Variants in ACSS3 observed in about 807,000 individuals in gnomAD.
The protein encoded by ACSS3 is acyl-CoA synthetase short-chain family member 3, mitochondrial.
Under a neutral mutation model 84.2 loss-of-function variants are expected in ACSS3, and 64 were observed. That is an observed-to-expected ratio of 0.76 (90% CI 0.62 to 0.94). The LOEUF (loss-of-function observed/expected upper bound fraction) is 0.94, where lower values mean the gene tolerates loss of function less well. Among genes scored for constraint, ACSS3 ranks in the 40% least tolerant of loss-of-function variants. ACSS3 has a pLI of 0.00. For missense variants in ACSS3, 815 were observed against 867.6 expected (o/e 0.94, Z 0.76); for synonymous variants, 317 against 310.1 (o/e 1.02, Z -0.23).
chr12:81,240,239 C>A (rs925761081), intron 13 of ACSS3, among the ~76,000 whole-genome samples: 7 of 151,984 alleles, frequency 4.6e-5, no homozygotes, highest in African/African-American at 1.7e-4. Flanking sequence ...GCCTGACATA[C>A]TTTGATGCCC....
At chr12:81,200,040 A>G (rs2032029654) in intron 9 of ACSS3, among the ~76,000 whole-genome samples, 1 of 152,130 alleles carries the variant, frequency 6.6e-6, no homozygotes, top group Non-Finnish European at 1.5e-5. Flanking sequence ...TGTTCATTTA[A>G]TTTATTTTGT....
In ACSS3 at chr12:81,259,724, C is replaced by T; in HGVS notation, c.*4802C>T. The T allele has an allele frequency of 7.0e-7, 1 of 1,434,266 alleles. No individual in the cohort carries two copies. 88.8% of individuals were successfully genotyped at this position (1,434,266 alleles called of 1,614,324 possible). ...TCCCAGACTGGGAAATCTCATTCTA[C>T]TCCTCTGTGGTGTACCTCCACGCAG... On this transcript the variant is annotated 3_prime_UTR_variant, in exon 16 of 16. Transcript: ENST00000548058.
chr12:81,157,002 A>G (rs1422809681), intron 7 of ACSS3, among the ~76,000 whole-genome samples: 1 of 152,204 alleles, frequency 6.6e-6, no homozygotes, highest in African/African-American at 2.4e-5. Flanking sequence ...TTATCATTTA[A>G]TGAAGCTTGT....
At chr12:81,157,591 G>A (rs1398309705) in intron 7 of ACSS3, among the ~76,000 whole-genome samples, 3 of 152,164 alleles carry the variant, frequency 2.0e-5, no homozygotes, top group African/African-American at 7.2e-5. Flanking sequence ...GGCAGATCAT[G>A]AGGTCAGGAG....
In ACSS3 at chr12:81,109,709, TATC is replaced by T. The variant is rs1214157177; in HGVS notation, c.456+8_456+10del. On this transcript the variant is annotated splice_donor_region_variant and intron_variant, in intron 2 of 15. Transcript: ENST00000548058. Reference sequence around the variant, plus strand: ...TATAAAGAAGTTCTGGAGCAGGTAATATCATAAACTTTATATATGTATATATGA... The same window carrying T: ...TATAAAGAAGTTCTGGAGCAGGTAATATAAACTTTATATATGTATATATGA... 6.3e-7 allele frequency: 1 copy of T among 1,582,746 alleles called. No homozygotes were observed. The highest frequency in any genetic ancestry group is 8.6e-7 in the Non-Finnish European group (1 of 1,167,604).
At position 81,139,234 on chromosome 12, in the gene ACSS3, A is replaced by G; in HGVS notation, c.749A>G (p.Asp250Gly). Residue 250 changes from aspartate (D) to glycine (G), a missense_variant, in exon 4 of 16, where the codon GAC (aspartate) becomes GGC (glycine). Asp to Gly is a moderately conservative substitution (Grantham distance 94). Coordinates refer to ENST00000548058, the MANE Select transcript of ACSS3 (RefSeq NM_024560.4). ...EALKIGQHKP[D>G]KILIYNRPNM... ...CTAAAAATAGGACAACACAAACCAG[A>G]CAAAATTCTCATTTATAATCGTCCA... 1.2e-6 allele frequency: 2 copies of G among 1,613,992 alleles called. No homozygotes were observed. Among genetic ancestry groups the G allele is most frequent in the African/African-American group, 1.3e-5 (1 of 75,054 alleles).
chr12:81,177,226 G>A (rs2030551606), intron 8 of ACSS3, among the ~76,000 whole-genome samples: 1 of 152,030 alleles, frequency 6.6e-6, no homozygotes, highest in African/African-American at 2.4e-5. Context: ...GGAAAAGCTG[G>A]ATGGATTCCC....
At chr12:81,106,903 T>C (rs1565978608) in intron 1 of ACSS3, among the ~76,000 whole-genome samples, 1 of 151,508 alleles carries the variant, frequency 6.6e-6, no homozygotes, top group Non-Finnish European at 1.5e-5. Flanking sequence ...AATCTGACTT[T>C]GGAGTTTCTA....
chr12:81,159,717 A>G (rs1887058068), intron 7 of ACSS3, among the ~76,000 whole-genome samples: 1 of 152,256 alleles, frequency 6.6e-6, no homozygotes, highest in Admixed American at 6.5e-5. Context: ...ATAAAACACA[A>G]GCAATCTTTT....
At chr12:81,184,981 T>G (rs1412472906) in intron 8 of ACSS3, among the ~76,000 whole-genome samples, 3 of 151,668 alleles carry the variant, frequency 2.0e-5, no homozygotes, top group African/African-American at 7.2e-5. Flanking sequence ...AAATTCTTAG[T>G]AAAGTATTAT....
In ACSS3 at chr12:81,253,292, C is replaced by A. The variant is rs758995199; in HGVS notation, c.1720-15C>A. The A allele has an allele frequency of 1.6e-5, 25 of 1,608,496 alleles. No individual in the cohort carries two copies. Among genetic ancestry groups the A allele is most frequent in the Non-Finnish European group, 2.1e-5 (25 of 1,175,216 alleles). ...AAATAAATGTATTCTAAATGAATGC[C>A]TTTCCTTATTACAGTCAATCCTTTC... On this transcript the variant is annotated splice_polypyrimidine_tract_variant and intron_variant, in intron 13 of 15. Transcript: ENST00000548058.
chr12:81,200,208 A>G (rs761626558), intron 9 of ACSS3, among the ~76,000 whole-genome samples: 1 of 152,172 alleles, frequency 6.6e-6, no homozygotes, highest in Non-Finnish European at 1.5e-5. Context: ...GAATGGGTAC[A>G]TTGTCTAGAA....
chr12:81,128,500 C>T (rs1408389796), intron 2 of ACSS3, among the ~76,000 whole-genome samples: 4 of 152,088 alleles, frequency 2.6e-5, no homozygotes, highest in Admixed American at 1.3e-4. Flanking sequence ...CCCCTGGGAT[C>T]TGTATTGCCC....
intron 7 of ACSS3, among the ~76,000 whole-genome samples, chr12:81,163,895 A>G (rs1032905981): frequency 2.6e-4 from 40 of 152,240 alleles, no homozygotes; most frequent in African/African-American, 9.2e-4. Context: ...ACAAGTCAAA[A>G]ATTTAAAAAA....
intron 8 of ACSS3, among the ~76,000 whole-genome samples, chr12:81,182,653 TTGAG>T (rs1463477332): frequency 6.6e-6 from 1 of 152,158 alleles, no homozygotes; most frequent in African/African-American, 2.4e-5. Context: ...GCAACAGAAG[TTGAG>T]TTTTTATCAG....
chr12:81,083,658 C>A (rs1881134215), intron 1 of ACSS3, among the ~76,000 whole-genome samples: 1 of 151,822 alleles, frequency 6.6e-6, no homozygotes, highest in South Asian at 2.1e-4. Flanking sequence ...CCGTGCCTGG[C>A]CCTTGGTCTC....
At chr12:81,251,145 G>T (rs1210480028) in intron 13 of ACSS3, among the ~76,000 whole-genome samples, 1 of 152,152 alleles carries the variant, frequency 6.6e-6, no homozygotes, top group African/African-American at 2.4e-5. Flanking sequence ...GCTACATACT[G>T]AGTGATTCCA....
In ACSS3 at chr12:81,078,243, C is replaced by A. The variant is rs942887960; in HGVS notation, c.123C>A (p.Gly41=). Residue 41 remains glycine (G), a synonymous_variant, in exon 1 of 16, where the codon GGC becomes GGA. Transcript: ENST00000548058. ...CCCTCAGGGCTTTAGTGGTCCCGGG[C>A]CCGCGGGGCGGTCTCGGGGGCCGGG... is the stretch of plus-strand genomic sequence containing the variant. The part of the protein sequence containing the change: ...GAALRALVVP[G]PRGGLGGRGC... 3.1e-6 allele frequency: 5 copies of A among 1,605,632 alleles called. No homozygotes were observed. The African/African-American group carries it at 5.4e-5, about 17-fold the overall frequency.
chr12:81,220,060 G>A lies in ACSS3; in HGVS notation c.1498G>A (p.Gly500Arg), dbSNP rs777670392. Residue 500 changes from glycine to arginine, a missense_variant, in exon 11 of 16, where the codon GGA becomes AGA. Coordinates refer to ENST00000548058, the MANE Select transcript of ACSS3 (RefSeq NM_024560.4). Reference protein sequence around the residue: ...NMQKLKARCLGNIVVKLPLPP... With the variant: ...NMQKLKARCLRNIVVKLPLPP... ...GCAAAAACTGAAGGCTCGGTGTTTA[G>A]GAAATATTGTGGTAAAGTAAGCAAA... The A allele has an allele frequency of 6.5e-7, 1 of 1,540,050 alleles. No individual in the cohort carries two copies. Among genetic ancestry groups the A allele is most frequent in the East Asian group, 2.4e-5 (1 of 41,750 alleles).
Sources: allele counts gnomAD v4.1 joint callset (sites outside exome capture counted in the v4.1 genomes callset), GRCh38; gene constraint gnomAD v4.1.1; transcripts MANE v1.5; gene names NCBI Gene and HGNC (gene_info 2026-07-23, HGNC 2026-07-21).